The following LRRC40 variants were observed in gnomAD, a reference collection of about 807,000 sequenced individuals.
LRRC40 encodes the protein leucine rich repeat containing 40.
In LRRC40, 76 loss-of-function variants were observed where a neutral mutation model predicts 72.8. That is an observed-to-expected ratio of 1.04 (90% confidence interval 0.87 to 1.26). The LOEUF is 1.26. Ranked by LOEUF, LRRC40 falls within the 50% of genes most tolerant of loss-of-function variation. LRRC40 has a pLI of 0.00. For synonymous variants in LRRC40, 243 were observed against 254.2 expected (o/e 0.96, Z 0.42); for missense variants, 684 against 698.9 (o/e 0.98, Z 0.24).
intron 9 of LRRC40, among the ~76,000 whole-genome samples, chr1:70,169,515 C>T (rs1365378074): frequency 6.6e-6 from 1 of 152,050 alleles, no homozygotes; most frequent in Non-Finnish European, 1.5e-5. Flanking sequence ...AACGCTCATC[C>T]TTTGGAAAGT....
Position 70,148,547 on chromosome 1 carries a change from T to C in LRRC40, c.1643A>G (p.Asp548Gly). 2.5e-6 allele frequency: 4 copies of C among 1,613,686 alleles called. No homozygotes were observed. The highest frequency in any genetic ancestry group is 3.4e-6 in the Non-Finnish European group (4 of 1,179,728). ...MKMMENLTTL[D>G]LQNNDLLQIP... The stretch of plus-strand genomic sequence containing the variant: ...TTGTAAGAGGTCATTATTTTGAAGG[T>C]CCAACGTGGTCAGATTTTCCATCAT... The change falls in exon 14 of 15, where the codon GAC becomes GGC. Residue 548 changes from aspartate to glycine, a missense_variant. By Grantham distance (94) the Asp-to-Gly change is moderately conservative. Transcript: ENST00000370952.
At position 70,205,512 on chromosome 1, in the gene LRRC40, T is replaced by C. The variant is rs1179383279; in HGVS notation, c.29A>G (p.Gln10Arg). 3 of 1,601,188 alleles carry C rather than the reference T, an allele frequency of 1.9e-6. No individual in the cohort carries two copies. Among genetic ancestry groups the C allele is most frequent in the Non-Finnish European group, 1.7e-6 (2 of 1,169,894 alleles). ...TGCTTTGAAACCAGCGCGGAGATCC[T>C]GCCCCGCTATCCGCTTCAGGCGCGA... is the stretch of plus-strand genomic sequence containing the variant. MSRLKRIAG[Q>R]DLRAGFKAGG... Residue 10 changes from glutamine to arginine, a missense_variant, in exon 1 of 15, where the codon CAG (glutamine) becomes CGG (arginine). Gln to Arg is a conservative substitution (Grantham distance 43, BLOSUM62 1). Coordinates refer to ENST00000370952, the MANE Select transcript of LRRC40 (RefSeq NM_017768.5).
chr1:70,175,698 A>G, intron 7 of LRRC40, 112 bp downstream of exon 7: 1 of 716,334 alleles, frequency 1.4e-6, no homozygotes, highest in Non-Finnish European at 2.2e-6. Flanking sequence ...ATCAATATTT[A>G]GTGAATTCAA....
chr1:70,189,288 A>G lies in LRRC40; in HGVS notation c.152-15T>C. On this transcript the variant is annotated splice_polypyrimidine_tract_variant and intron_variant, in intron 1 of 14. Transcript: ENST00000370952. ...ACACTGCGGCACTAGTTCCATCAGC[A>G]CCACACCAGGAAAAAAAAAAAAAAA... 2.3e-6 allele frequency: 3 copies of G among 1,310,636 alleles called. No individual in the cohort carries two copies. The highest frequency in any genetic ancestry group is 3.1e-6 in the Non-Finnish European group (3 of 983,176). 81.2% of individuals were successfully genotyped at this position (1,310,636 alleles called of 1,614,324 possible).
At chr1:70,181,008 C>A in intron 5 of LRRC40, 78 bp downstream of exon 5, 1 of 1,065,436 alleles carries the variant, frequency 9.4e-7, no homozygotes, top group Non-Finnish European at 1.3e-6. Context: ...TTCTCTGTAA[C>A]TATATTAAAA....
intron 9 of LRRC40, among the ~76,000 whole-genome samples, chr1:70,169,101 A>T (rs907018715): frequency 1.3e-5 from 2 of 152,174 alleles, no homozygotes; most frequent in African/African-American, 4.8e-5. Context: ...GTTCCAAGAG[A>T]CAGCTAATCA....
chr1:70,158,099 CAAAAAAAA>C (rs35925333), intron 10 of LRRC40, among the ~76,000 whole-genome samples: 1 of 19,218 alleles, frequency 5.2e-5, no homozygotes, highest in Non-Finnish European at 9.5e-5. Flanking sequence ...GACCCTGCCT[CAAAAAAAA>C]AAAAAAAAAA....
chr1:70,176,947 AG>A (rs539814049), intron 6 of LRRC40, among the ~76,000 whole-genome samples: 91 of 152,384 alleles, frequency 6.0e-4, no homozygotes, highest in African/African-American at 2.1e-3. Flanking sequence ...CAACTTACAG[AG>A]AAATGTAAAC....
At chr1:70,156,299 T>A (rs1461516744) in intron 10 of LRRC40, among the ~76,000 whole-genome samples, 2 of 152,106 alleles carry the variant, frequency 1.3e-5, no homozygotes, top group Non-Finnish European at 2.9e-5. Context: ...AAAATTAGTT[T>A]AATTTTAATT....
intron 6 of LRRC40, among the ~76,000 whole-genome samples, chr1:70,178,211 T>C (rs1244998134): frequency 6.6e-6 from 1 of 152,200 alleles, no homozygotes. Flanking sequence ...GGATCAACTG[T>C]AATCAGTTTG....
chr1:70,189,279 T>A lies in LRRC40; in HGVS notation c.152-6A>T, dbSNP rs768861118. Reference sequence around the variant, plus strand: ...TCTCCAGACACACTGCGGCACTAGTTCCATCAGCACCACACCAGGAAAAAA... The same window carrying A: ...TCTCCAGACACACTGCGGCACTAGTACCATCAGCACCACACCAGGAAAAAA... On this transcript the variant is annotated splice_polypyrimidine_tract_variant and splice_region_variant and intron_variant, in intron 1 of 14. Coordinates refer to ENST00000370952, the MANE Select transcript of LRRC40 (RefSeq NM_017768.5). The A allele has an allele frequency of 3.9e-6, 6 of 1,537,728 alleles. No homozygotes were observed. The highest frequency in any genetic ancestry group is 3.5e-6 in the Non-Finnish European group (4 of 1,136,058).
At chr1:70,162,911 T>C (rs1171416771) in intron 9 of LRRC40, among the ~76,000 whole-genome samples, 1 of 152,190 alleles carries the variant, frequency 6.6e-6, no homozygotes, top group Non-Finnish European at 1.5e-5. Context: ...TTATGCCCAA[T>C]TTATGAGTTT....
In LRRC40 at chr1:70,145,650, C is replaced by T; in HGVS notation, c.*150G>A. The stretch of plus-strand genomic sequence containing the variant: ...TTACTGGCAGTGAATATGGCCCAGG[C>T]TAATTATACCAACAGGTAGGTGATA... On this transcript the variant is annotated 3_prime_UTR_variant, in exon 15 of 15. Coordinates refer to ENST00000370952, the MANE Select transcript of LRRC40 (RefSeq NM_017768.5). 2.1e-6 allele frequency: 1 copy of T among 473,120 alleles called. No individual in the cohort carries two copies. The highest frequency in any genetic ancestry group is 3.8e-6 in the Non-Finnish European group (1 of 264,362). 29.3% of individuals were successfully genotyped at this position (473,120 alleles called of 1,614,324 possible). A position where few individuals can be genotyped will look rare whatever the true frequency, so the allele number is the denominator to read the frequency against.
At chr1:70,177,829 T>G (rs892115525) in intron 6 of LRRC40, among the ~76,000 whole-genome samples, 3 of 152,164 alleles carry the variant, frequency 2.0e-5, no homozygotes, top group Non-Finnish European at 4.4e-5. Context: ...ATATGTGGAT[T>G]TCCTTCCACC....
chr1:70,148,965 G>A (rs1667391862), intron 13 of LRRC40, among the ~76,000 whole-genome samples: 1 of 152,156 alleles, frequency 6.6e-6, no homozygotes, highest in Non-Finnish European at 1.5e-5. Context: ...ACATTCAAGA[G>A]GAAATCTTCT....
At chr1:70,175,232 C>A (rs1668077400) in intron 7 of LRRC40, among the ~76,000 whole-genome samples, 1 of 152,110 alleles carries the variant, frequency 6.6e-6, no homozygotes, top group Non-Finnish European at 1.5e-5. Flanking sequence ...TTGTAAGGCA[C>A]CCTTGAATGT....
chr1:70,150,050 T>C (rs1018316047), intron 13 of LRRC40, among the ~76,000 whole-genome samples: 5 of 151,872 alleles, frequency 3.3e-5, no homozygotes, highest in African/African-American at 4.8e-5. Flanking sequence ...GCCTCCTGAG[T>C]AGCTGGGTTT....
At position 70,175,951 on chromosome 1, in the gene LRRC40, A is replaced by AAC; in HGVS notation, c.835_836insGT (p.Met279SerfsTer3). On this transcript the variant is annotated frameshift_variant, in exon 7 of 15. Coordinates refer to ENST00000370952, the MANE Select transcript of LRRC40 (RefSeq NM_017768.5). LOFTEE classifies it high-confidence loss of function. ...ATGTTTAAGATGTTCTGCCTCTAACATTTCAATCTGGTTTTCACCTACGTG... is the reference window on the plus strand; with the variant it reads ...ATGTTTAAGATGTTCTGCCTCTAACAACTTTCAATCTGGTTTTCACCTACGTG... 1 of 1,582,502 alleles carries AAC rather than the reference A, an allele frequency of 6.3e-7. No individual in the cohort carries two copies. The highest frequency in any genetic ancestry group is 8.6e-7 in the Non-Finnish European group (1 of 1,169,412).
intron 1 of LRRC40, among the ~76,000 whole-genome samples, chr1:70,200,512 T>C (rs556121058): frequency 6.6e-6 from 1 of 152,196 alleles, no homozygotes; most frequent in East Asian, 1.9e-4. Flanking sequence ...TATGACTATG[T>C]AAATGTGAAG....
Sources: gnomAD v4.1 joint callset for allele counts (sites outside exome capture counted in the v4.1 genomes callset) on GRCh38, gnomAD v4.1.1 for gene constraint, MANE v1.5 for transcripts, NCBI Gene and HGNC (gene_info 2026-07-23, HGNC 2026-07-21) for gene names.